KSR2: variants seen among roughly 807,000 people sequenced by gnomAD.
KSR2 encodes the protein kinase suppressor of ras 2.
A neutral mutation model predicts 107.8 loss-of-function variants in KSR2; 25 were observed. The observed-to-expected ratio is 0.23, with a 90% CI of 0.17 to 0.32. The LOEUF is 0.32. Ranked by LOEUF, KSR2 falls within the 10% of genes least tolerant of loss-of-function variation. The pLI is 1.00. For synonymous variants in KSR2, 480 were observed against 507.0 expected (o/e 0.95, Z 0.71); for missense variants, 887 against 1,268.9 (o/e 0.70, Z 4.57).
intron 1 of KSR2, among the ~76,000 whole-genome samples, chr12:117,915,931 A>T (rs1478497468): frequency 1.3e-5 from 2 of 152,052 alleles, no homozygotes; most frequent in Non-Finnish European, 2.9e-5. Context: ...GACTTTGAGG[A>T]AATTTTTCAT....
At chr12:117,674,341 T>C (rs1318829871) in intron 4 of KSR2, 1 of 491,014 alleles carries the variant, frequency 2.0e-6, no homozygotes, top group East Asian at 5.8e-5. Flanking sequence ...GGTTCCATTT[T>C]TGCTTTTTTG....
chr12:117,791,643 G>A (rs1317473492), intron 3 of KSR2, among the ~76,000 whole-genome samples: 1 of 152,152 alleles, frequency 6.6e-6, no homozygotes, highest in Non-Finnish European at 1.5e-5. Context: ...TTCTAGAAAG[G>A]TCACTCTGGC....
intron 7 of KSR2, among the ~76,000 whole-genome samples, chr12:117,575,607 C>T (rs1042386041): frequency 3.3e-5 from 5 of 152,222 alleles, no homozygotes; most frequent in Non-Finnish European, 7.3e-5. Flanking sequence ...CACGTCTCAA[C>T]TTCAACTGGT....
chr12:117,577,373 G>A (rs947450135), intron 7 of KSR2, among the ~76,000 whole-genome samples: 1 of 151,762 alleles, frequency 6.6e-6, no homozygotes. Flanking sequence ...GAGAGGGGGG[G>A]AGAGATTGAG....
At chr12:117,681,607 T>C in intron 4 of KSR2, among the ~76,000 whole-genome samples, 1 of 152,190 alleles carries the variant, frequency 6.6e-6, no homozygotes. Flanking sequence ...CTGAGAACTT[T>C]GGGAAGCTGT....
chr12:117,912,839 A>T (rs940779361), intron 1 of KSR2, among the ~76,000 whole-genome samples: 1 of 152,196 alleles, frequency 6.6e-6, no homozygotes, highest in Non-Finnish European at 1.5e-5. Context: ...CCGATGTTGT[A>T]TTTTAGGAAG....
chr12:117,961,860 G>A (rs1896668384), intron 1 of KSR2, among the ~76,000 whole-genome samples: 1 of 152,132 alleles, frequency 6.6e-6, no homozygotes, highest in East Asian at 1.9e-4. Flanking sequence ...AAGAAATGAT[G>A]GGAGGCCAGG....
intron 4 of KSR2, chr12:117,674,160 C>A (rs1426514374): frequency 1.5e-5 from 6 of 407,448 alleles, no homozygotes; most frequent in Middle Eastern, 4.1e-4. Context: ...TTTCTGATGC[C>A]CAATTTACAT....
chr12:117,636,135 C>T (rs1318906578), intron 5 of KSR2, among the ~76,000 whole-genome samples: 3 of 152,078 alleles, frequency 2.0e-5, no homozygotes, highest in Non-Finnish European at 4.4e-5. Context: ...TTGGATTTTA[C>T]TCATCTTCCA....
chr12:117,474,345 A>C (rs961011751), intron 17 of KSR2, among the ~76,000 whole-genome samples: 2 of 152,220 alleles, frequency 1.3e-5, no homozygotes, highest in South Asian at 2.1e-4. Context: ...GGCATAAAAT[A>C]ATCAGGCCAA....
intron 2 of KSR2, among the ~76,000 whole-genome samples, chr12:117,856,192 A>G (rs1893096901): frequency 1.3e-5 from 2 of 152,204 alleles, no homozygotes; most frequent in African/African-American, 4.8e-5. Flanking sequence ...CCTAAGGCAA[A>G]GCAGAAACAC....
At chr12:117,597,581 CAA>C (rs1280299274) in intron 5 of KSR2, among the ~76,000 whole-genome samples, 1 of 152,146 alleles carries the variant, frequency 6.6e-6, no homozygotes, top group African/African-American at 2.4e-5. Flanking sequence ...AGAGCCTCTA[CAA>C]GGAAGCAGCC....
At chr12:117,526,986 T>A (rs1404934298) in intron 13 of KSR2, 85 bp downstream of exon 13, 2 of 1,140,568 alleles carry the variant, frequency 1.8e-6, no homozygotes, top group African/African-American at 1.5e-5. Flanking sequence ...CCCCAAGCCC[T>A]CTGCGTCATC....
Position 117,761,495 on chromosome 12 carries a change from T to C in KSR2, c.502A>G (p.Ile168Val), listed in dbSNP as rs771717078. The C allele has an allele frequency of 1.2e-6, 2 of 1,613,466 alleles. No individual in the cohort carries two copies. The highest frequency in any genetic ancestry group is 1.1e-5 in the South Asian group (1 of 91,062). The part of the protein sequence containing the change: ...GGNLSKQDWT[I>V]QWPTTETGKE... ...CCCGTCTCTGTCGTGGGCCACTGGATGGTCCAGTCTTGTTTGGAAAGGTTG... is the reference window on the plus strand; with the variant it reads ...CCCGTCTCTGTCGTGGGCCACTGGACGGTCCAGTCTTGTTTGGAAAGGTTG... The change falls in exon 4 of 20, where the codon ATC (isoleucine) becomes GTC (valine). Residue 168 changes from isoleucine to valine, a missense_variant. By Grantham distance (29) the Ile-to-Val change is conservative (BLOSUM62 3). This residue lies in a region of KSR2 where 399 missense variants were observed against 479.5 expected (regional missense o/e 0.83). Transcript: ENST00000339824.
intron 3 of KSR2, among the ~76,000 whole-genome samples, chr12:117,841,780 C>T (rs1799390468): frequency 6.6e-6 from 1 of 152,150 alleles, no homozygotes; most frequent in African/African-American, 2.4e-5. Flanking sequence ...TGACCACCAC[C>T]CCCCTCCCAG....
At chr12:117,469,831 TG>T in intron 18 of KSR2, 36 bp from the exon 19 acceptor site, 1 of 1,609,028 alleles carries the variant, frequency 6.2e-7, no homozygotes, top group Non-Finnish European at 8.5e-7. Context: ...TACACATAAA[TG>T]GTGATTTCTT....
In KSR2 at chr12:117,462,171, T is replaced by C. The variant is rs1319363175; in HGVS notation, c.*5028A>G. 1 of 130,000 alleles carries C rather than the reference T, an allele frequency of 7.7e-6. No individual in the cohort carries two copies. The highest frequency in any genetic ancestry group is 3.0e-5 in the African/African-American group (1 of 33,064). The allele number at this position is 130,000 out of a possible 1,614,324, so 8.1% of individuals were successfully genotyped here. On this transcript the variant is annotated 3_prime_UTR_variant, in exon 20 of 20. Transcript: ENST00000339824. ...CTTCAAGGGCACCTGGGTTCTACAGTGGAGGACCAGTCAAGGCACAAGAGA... is the reference window on the plus strand; with the variant it reads ...CTTCAAGGGCACCTGGGTTCTACAGCGGAGGACCAGTCAAGGCACAAGAGA...
intron 1 of KSR2, among the ~76,000 whole-genome samples, chr12:117,951,216 T>G (rs775169255): frequency 6.6e-6 from 1 of 152,092 alleles, no homozygotes; most frequent in Non-Finnish European, 1.5e-5. Flanking sequence ...CGGCAACCAG[T>G]GGTTCTTCTA....
chr12:117,795,264 T>A (rs148963827), intron 3 of KSR2, among the ~76,000 whole-genome samples: 13 of 152,294 alleles, frequency 8.5e-5, no homozygotes, highest in Admixed American at 3.3e-4. Context: ...GGCACAAGGT[T>A]TGAAAAACCT....
Sources: allele counts gnomAD v4.1 joint callset (sites outside exome capture counted in the v4.1 genomes callset), GRCh38; gene constraint gnomAD v4.1.1; regional missense constraint gnomAD v4.1.1; transcripts MANE v1.5; gene names NCBI Gene and HGNC (gene_info 2026-07-23, HGNC 2026-07-21).